Variants in KCNMA1 observed in about 807,000 individuals in gnomAD.
KCNMA1 encodes the protein potassium calcium-activated channel subfamily M alpha 1.
In KCNMA1, 29 loss-of-function variants were observed where a neutral mutation model predicts 140.0. That is an observed-to-expected ratio of 0.21 (90% confidence interval 0.15 to 0.28). KCNMA1 has a LOEUF of 0.28. Among genes scored for constraint, KCNMA1 ranks in the 10% least tolerant of loss-of-function variants. The probability of loss-of-function intolerance (pLI) is 1.00; values close to 1 mark genes in which losing one functional copy is unlikely to be tolerated. For missense variants in KCNMA1, 880 were observed against 1,602.2 expected, an observed-to-expected ratio of 0.55 and a Z score of 7.70; for synonymous variants, 612 against 611.9, an observed-to-expected ratio of 1.00 and a Z score of 0.00.
At chr10:77,593,057 A>G (rs1400587121) in intron 1 of KCNMA1, among the ~76,000 whole-genome samples, 1 of 152,124 alleles carries the variant, frequency 6.6e-6, no homozygotes, top group East Asian at 1.9e-4. Flanking sequence ...TCAGCATGTG[A>G]GCTTCTCCTC....
At chr10:77,266,738 C>T (rs1206733373) in intron 2 of KCNMA1, among the ~76,000 whole-genome samples, 2 of 152,202 alleles carry the variant, frequency 1.3e-5, no homozygotes, top group Non-Finnish European at 2.9e-5. Flanking sequence ...ACTTCTTACT[C>T]TTTATTGTAG....
intron 5 of KCNMA1, among the ~76,000 whole-genome samples, chr10:77,176,057 T>A (rs886523613): frequency 1.3e-5 from 2 of 152,186 alleles, no homozygotes; most frequent in African/African-American, 2.4e-5. Flanking sequence ...TGACCCTGCC[T>A]GAAGGTGGGG....
intron 14 of KCNMA1, among the ~76,000 whole-genome samples, chr10:77,061,186 A>G (rs552815703): frequency 5.3e-4 from 80 of 152,326 alleles, no homozygotes; most frequent in African/African-American, 1.9e-3. Context: ...CAAATATTTC[A>G]ACTTAAAAAC....
chr10:77,561,203 A>G (rs1007746280), intron 1 of KCNMA1, among the ~76,000 whole-genome samples: 6 of 152,016 alleles, frequency 3.9e-5, no homozygotes, highest in African/African-American at 1.5e-4. Context: ...GCATTGTGCT[A>G]TGGGCTTCAC....
chr10:76,948,075 G>A (rs1480495493), intron 22 of KCNMA1, among the ~76,000 whole-genome samples: 1 of 152,108 alleles, frequency 6.6e-6, no homozygotes, highest in Admixed American at 6.5e-5. Context: ...TGCTTTCACA[G>A]CCCACTGCAG....
chr10:77,256,081 T>C (rs540967822), intron 2 of KCNMA1, among the ~76,000 whole-genome samples: 1 of 152,106 alleles, frequency 6.6e-6, no homozygotes, highest in Admixed American at 6.5e-5. Flanking sequence ...TTCATGAAAA[T>C]GGACAATAGC....
At chr10:77,230,134 G>A (rs1332067359) in intron 3 of KCNMA1, among the ~76,000 whole-genome samples, 2 of 152,210 alleles carry the variant, frequency 1.3e-5, no homozygotes, top group African/African-American at 2.4e-5. Flanking sequence ...GTACTGATAC[G>A]TGCTACAACG....
intron 23 of KCNMA1, among the ~76,000 whole-genome samples, chr10:76,918,169 A>G: frequency 6.6e-6 from 1 of 152,206 alleles, no homozygotes; most frequent in East Asian, 1.9e-4. Context: ...TGGCACATGG[A>G]ATATACTCCA....
chr10:77,217,993 A>G (rs1406559454), intron 3 of KCNMA1, among the ~76,000 whole-genome samples: 1 of 152,214 alleles, frequency 6.6e-6, no homozygotes, highest in African/African-American at 2.4e-5. Context: ...TACTTTAAAT[A>G]TATATCTCAA....
chr10:77,353,970 T>TGGG (rs563299513), intron 2 of KCNMA1, among the ~76,000 whole-genome samples: 62 of 92,930 alleles, frequency 6.7e-4, no homozygotes, highest in African/African-American at 1.2e-3. Flanking sequence ...CCTCTTTTTT[T>TGGG]GGGGGGGGGG....
intron 2 of KCNMA1, among the ~76,000 whole-genome samples, chr10:77,339,966 T>C (rs1266105359): frequency 6.6e-6 from 1 of 152,206 alleles, no homozygotes; most frequent in Non-Finnish European, 1.5e-5. Flanking sequence ...TATCTTGACA[T>C]GATGTAGCAG....
chr10:77,547,521 G>C (rs555512915), intron 1 of KCNMA1, among the ~76,000 whole-genome samples: 3 of 152,338 alleles, frequency 2.0e-5, no homozygotes, highest in South Asian at 4.1e-4. Context: ...ACCCAAGACA[G>C]GCTGCCCAAC....
intron 1 of KCNMA1, among the ~76,000 whole-genome samples, chr10:77,596,925 TAG>T (rs2081110350): frequency 6.6e-6 from 1 of 152,064 alleles, no homozygotes; most frequent in Non-Finnish European, 1.5e-5. Flanking sequence ...CTTTGCAGAG[TAG>T]CTATTTAGCA....
At position 77,263,109 on chromosome 10, in the gene KCNMA1, C is replaced by T. The variant is rs371018762; in HGVS notation, c.541-11853G>A. On this transcript the variant is annotated intron_variant, in intron 2 of 27. Coordinates refer to ENST00000286628, the MANE Select transcript of KCNMA1 (RefSeq NM_001161352.2). ...CATAACCCTCCCACAGGAATACTGA[C>T]ATCTCTCAATTCAATGGCAGTGGGT... is the stretch of plus-strand genomic sequence containing the variant. 2.1e-4 allele frequency among the ~76,000 whole-genome samples: 32 copies of T among 152,300 alleles called. No individual in the cohort carries two copies. The South Asian group carries it at 6.0e-3, about 29-fold the overall frequency.
At chr10:77,470,994 ACACACAC>A (rs1217285318) in intron 1 of KCNMA1, among the ~76,000 whole-genome samples, 1 of 152,044 alleles carries the variant, frequency 6.6e-6, no homozygotes, top group Non-Finnish European at 1.5e-5. Flanking sequence ...CGCACACCAT[ACACACAC>A]CACACAACAC....
intron 1 of KCNMA1, among the ~76,000 whole-genome samples, chr10:77,577,802 C>T (rs2074673910): frequency 6.6e-6 from 1 of 152,210 alleles, no homozygotes; most frequent in Non-Finnish European, 1.5e-5. Context: ...TGACATCCCC[C>T]TGCCCCCTCC....
intron 2 of KCNMA1, among the ~76,000 whole-genome samples, chr10:77,287,517 A>C (rs190820446): frequency 2.7e-3 from 415 of 152,322 alleles, no homozygotes; most frequent in Non-Finnish European, 5.3e-3. Context: ...TTGACTATAG[A>C]GCATTCATAT....
intron 5 of KCNMA1, among the ~76,000 whole-genome samples, chr10:77,139,979 G>A (rs1187117369): frequency 6.6e-6 from 1 of 152,160 alleles, no homozygotes; most frequent in Non-Finnish European, 1.5e-5. Context: ...TTAATAAATA[G>A]GAAGCAAGCT....
At chr10:76,891,825 T>C in intron 25 of KCNMA1, 106 bp from the exon 26 acceptor site, 1 of 878,532 alleles carries the variant, frequency 1.1e-6, no homozygotes, top group African/African-American at 1.6e-5. Context: ...CTGTTTAAAG[T>C]TCTGGCCTGT....
Sources: gnomAD v4.1 joint callset for allele counts (sites outside exome capture counted in the v4.1 genomes callset) on GRCh38, gnomAD v4.1.1 for gene constraint, MANE v1.5 for transcripts, NCBI Gene and HGNC (gene_info 2026-07-23, HGNC 2026-07-21) for gene names.